The following GSN variants were observed in gnomAD, a reference collection of about 807,000 sequenced individuals.
GSN encodes gelsolin, also known as actin-depolymerizing factor.
A neutral mutation model predicts 85.7 loss-of-function variants in GSN; 56 were observed. That is an observed-to-expected ratio of 0.65 (90% CI 0.53 to 0.82). GSN has a LOEUF of 0.82. Ranked by LOEUF, GSN falls within the 40% of genes least tolerant of loss-of-function variation. GSN has a pLI of 0.00. For missense variants in GSN, 857 were observed against 979.8 expected, an observed-to-expected ratio of 0.87 and a Z score of 1.67; for synonymous variants, 373 against 399.1, an observed-to-expected ratio of 0.93 and a Z score of 0.78.
At chr9:121,206,107 C>T (rs1471402160), upstream of GSN, among the ~76,000 whole-genome samples, 1 of 151,810 alleles carries the variant, frequency 6.6e-6, no homozygotes, top group Non-Finnish European at 1.5e-5. Flanking sequence ...TTTAGAAGAA[C>T]TAATACAATT....
At chr9:121,232,813 T>C (rs534820394) in intron 5 of GSN, among the ~76,000 whole-genome samples, 7 of 152,204 alleles carry the variant, frequency 4.6e-5, no homozygotes, top group Non-Finnish European at 1.0e-4. Flanking sequence ...AAGTAGAGAC[T>C]CATGGGTACT....
chr9:121,326,964 A>G (rs556150108), intron 13 of GSN, among the ~76,000 whole-genome samples: 9 of 152,258 alleles, frequency 5.9e-5, no homozygotes, highest in African/African-American at 2.2e-4. Context: ...CCAGTTGCCT[A>G]CTATCCCTTT....
chr9:121,281,433 C>T, intron 1 of GSN, 37 bp from the exon 2 acceptor site: 1 of 372,056 alleles, frequency 2.7e-6, no homozygotes, highest in Non-Finnish European at 5.5e-6. Context: ...ACCTTGAACT[C>T]CCCCTGAGGC....
chr9:121,256,823 A>G (rs1157766729), intron 6 of GSN, among the ~76,000 whole-genome samples: 1 of 152,192 alleles, frequency 6.6e-6, no homozygotes, highest in Non-Finnish European at 1.5e-5. Flanking sequence ...CAGAAGGTAG[A>G]GGCTGCAGTG....
At chr9:121,231,004 C>T (rs572528619) in intron 4 of GSN, among the ~76,000 whole-genome samples, 2 of 152,312 alleles carry the variant, frequency 1.3e-5, no homozygotes, top group African/African-American at 2.4e-5. Flanking sequence ...TGAGCACCTA[C>T]TACGTGCAGG....
Position 121,299,728 on chromosome 9 carries a change from A to C in GSN, c.-9-2235A>C. On this transcript the variant is annotated intron_variant, in intron 2 of 17. Transcript: ENST00000432226. This position sits in a 1 kb window ranked among gnomAD's most constrained non-coding sequence, Gnocchi z 4.2. ...GGGTGGGAACCCAGATGTCTCCAAG[A>C]TCCGAGACAGATCCCCGCCCCGCGC... The C allele has an allele frequency of 9.4e-7, 1 of 1,062,638 alleles. No homozygotes were observed. The highest frequency in any genetic ancestry group is 1.2e-6 in the Non-Finnish European group (1 of 847,770). The allele number at this position is 1,062,638 out of a possible 1,614,324, so 65.8% of individuals were successfully genotyped here. A position where few individuals can be genotyped will look rare whatever the true frequency, so the allele number is the denominator to read the frequency against.
chr9:121,286,702 C>T lies in GSN; in HGVS notation c.-10+5140C>T, dbSNP rs1318995898. On this transcript the variant is annotated intron_variant, in intron 2 of 17. Coordinates refer to ENST00000432226, the MANE Select transcript of GSN (RefSeq NM_198252.3). ...GAGACAATTTGTGATTGAACAGCCA[C>T]TGTGGCCATCATTCTCCTTACCTGT... 7 of 1,535,308 alleles carry T rather than the reference C, an allele frequency of 4.6e-6. No homozygotes were observed. In the African/African-American group the frequency reaches 9.6e-5, roughly 21 times the overall value.
At chr9:121,283,748 G>C (rs998323631) in intron 2 of GSN, 2 of 167,052 alleles carry the variant, frequency 1.2e-5, no homozygotes, top group African/African-American at 2.4e-5. Context: ...TCTGAGCTGG[G>C]TGTTGAAGAA....
At chr9:121,203,787 C>G (rs183088801), upstream of GSN, among the ~76,000 whole-genome samples, 7 of 152,218 alleles carry the variant, frequency 4.6e-5, no homozygotes, top group African/African-American at 1.7e-4. Context: ...TCAAATAGGT[C>G]TTTGTGAAAA....
intron 2 of GSN, among the ~76,000 whole-genome samples, chr9:121,298,967 G>A (rs1342436822): frequency 6.6e-6 from 1 of 152,158 alleles, no homozygotes. Context: ...TCAATGAATA[G>A]TACCTAAAAT....
chr9:121,302,209 T>A, intron 3 of GSN, 42 bp downstream of exon 3: 1 of 1,607,146 alleles, frequency 6.2e-7, no homozygotes, highest in Non-Finnish European at 8.5e-7. Flanking sequence ...GCCCCCATTC[T>A]GAACAGTGCA....
intron 5 of GSN, among the ~76,000 whole-genome samples, chr9:121,242,452 A>G (rs964755295): frequency 6.6e-6 from 1 of 150,906 alleles, no homozygotes; most frequent in Non-Finnish European, 1.5e-5. Flanking sequence ...TGTCCTCTGG[A>G]AAAAGGGGGA....
chr9:121,218,236 CAAAG>C (rs1190358855), intron 4 of GSN, among the ~76,000 whole-genome samples: 1 of 152,208 alleles, frequency 6.6e-6, no homozygotes, highest in East Asian at 1.9e-4. Flanking sequence ...TTCTCCAAAA[CAAAG>C]AGTTTATTTG....
chr9:121,255,913 C>G (rs2054948190), intron 6 of GSN, among the ~76,000 whole-genome samples: 2 of 152,200 alleles, frequency 1.3e-5, no homozygotes, highest in South Asian at 4.1e-4. Flanking sequence ...AATTTACACT[C>G]TAACTAGACA....
intron 7 of GSN, among the ~76,000 whole-genome samples, chr9:121,316,060 A>G (rs1181980441): frequency 2.0e-5 from 3 of 152,250 alleles, no homozygotes; most frequent in Admixed American, 6.5e-5. Context: ...GCTACCTCAC[A>G]GTCAACTGTA....
chr9:121,321,824 C>G (rs943606448), intron 11 of GSN, among the ~76,000 whole-genome samples: 1 of 152,106 alleles, frequency 6.6e-6, no homozygotes, highest in East Asian at 1.9e-4. Context: ...TCACTGCAAC[C>G]TCTGCCTCCC....
chr9:121,331,634 A>T, intron 17 of GSN, 186 bp downstream of exon 17: 1 of 577,938 alleles, frequency 1.7e-6, no homozygotes, highest in South Asian at 2.3e-5. Context: ...AGAACACATC[A>T]GTTCCTTCAG....
intron 2 of GSN, chr9:121,300,034 C>T (rs764903174): frequency 3.3e-6 from 5 of 1,532,038 alleles, no homozygotes; most frequent in East Asian, 2.6e-5. Context: ...CCGGGGCTCC[C>T]GGAGTAACTC....
At chr9:121,305,108 G>T (rs1406811876) in intron 4 of GSN, among the ~76,000 whole-genome samples, 4 of 152,292 alleles carry the variant, frequency 2.6e-5, no homozygotes, top group African/African-American at 9.6e-5. Context: ...CACAGAAAGG[G>T]TGATTTTCCA....
Sources: allele counts gnomAD v4.1 joint callset (sites outside exome capture counted in the v4.1 genomes callset), GRCh38; gene constraint gnomAD v4.1.1; non-coding constraint Gnocchi (gnomAD v3.1); transcripts MANE v1.5; gene names NCBI Gene and HGNC (gene_info 2026-07-23, HGNC 2026-07-21).